DLG2: variants seen among roughly 807,000 people sequenced by gnomAD.
DLG2 encodes disks large homolog 2.
A neutral mutation model predicts 132.5 loss-of-function variants in DLG2; 45 were observed. That is an observed-to-expected ratio of 0.34 (90% confidence interval 0.27 to 0.44). DLG2 has a LOEUF of 0.44. Ranked by LOEUF, DLG2 falls within the 20% of genes least tolerant of loss-of-function variation. The pLI is 1.00. For missense variants in DLG2, 1,045 were observed against 1,196.9 expected (o/e 0.87, Z 1.87); for synonymous variants, 424 against 419.6 (o/e 1.01, Z -0.13).
chr11:83,756,001 T>C (rs1168724156), intron 18 of DLG2, among the ~76,000 whole-genome samples: 1 of 151,376 alleles, frequency 6.6e-6, no homozygotes, highest in Non-Finnish European at 1.5e-5. Context: ...TACTTTTTGC[T>C]TCAGCAAAAG....
At chr11:84,020,702 G>C (rs993140712) in intron 11 of DLG2, among the ~76,000 whole-genome samples, 1 of 152,142 alleles carries the variant, frequency 6.6e-6, no homozygotes, top group African/African-American at 2.4e-5. Flanking sequence ...TGTCTTTCAT[G>C]CCTTGTGGGC....
intron 8 of DLG2, among the ~76,000 whole-genome samples, chr11:84,226,226 T>C (rs756073829): frequency 6.6e-6 from 1 of 152,246 alleles, no homozygotes; most frequent in Non-Finnish European, 1.5e-5. Context: ...TAAATATTTT[T>C]TGTGCTATGA....
intron 6 of DLG2, among the ~76,000 whole-genome samples, chr11:84,787,165 G>A (rs1157578565): frequency 6.6e-6 from 1 of 152,130 alleles, no homozygotes. Flanking sequence ...GTAGAGCCAT[G>A]TCCTTTTTCT....
intron 9 of DLG2, among the ~76,000 whole-genome samples, chr11:84,099,485 T>G (rs541034018): frequency 6.6e-6 from 1 of 152,136 alleles, no homozygotes; most frequent in African/African-American, 2.4e-5. Flanking sequence ...TTTCTGGTAT[T>G]GTTGTTCTAA....
intron 3 of DLG2, among the ~76,000 whole-genome samples, chr11:85,523,644 G>T (rs990184163): frequency 4.6e-5 from 7 of 152,156 alleles, no homozygotes; most frequent in Non-Finnish European, 2.9e-5. Flanking sequence ...ATGTAAATTA[G>T]TAGAATCACC....
At chr11:84,792,012 G>C (rs2073919018) in intron 6 of DLG2, among the ~76,000 whole-genome samples, 1 of 152,090 alleles carries the variant, frequency 6.6e-6, no homozygotes. Flanking sequence ...TCATGTTGCA[G>C]ATCTTAGAGG....
Position 84,287,892 on chromosome 11 carries a change from A to G in DLG2, c.520-36601T>C, listed in dbSNP as rs1404613162. On this transcript the variant is annotated intron_variant, in intron 7 of 27. Transcript: ENST00000376104. ...GTGATCAGGTGAGAGCCAATAGGTGAACTTGGATTACTAGTGCATGGAAAG... is the reference window on the plus strand; with the variant it reads ...GTGATCAGGTGAGAGCCAATAGGTGGACTTGGATTACTAGTGCATGGAAAG... 2.0e-5 allele frequency among the ~76,000 whole-genome samples: 3 copies of G among 152,028 alleles called. No individual in the cohort carries two copies. In the East Asian group the frequency reaches 5.8e-4, roughly 29 times the overall value.
chr11:83,534,563 A>G (rs930555573), intron 20 of DLG2, among the ~76,000 whole-genome samples: 1 of 152,236 alleles, frequency 6.6e-6, no homozygotes, highest in African/African-American at 2.4e-5. Context: ...ATTGCAGAAT[A>G]TATTTATTTC....
At chr11:84,189,276 A>T (rs887023033) in intron 8 of DLG2, among the ~76,000 whole-genome samples, 7 of 152,220 alleles carry the variant, frequency 4.6e-5, no homozygotes, top group African/African-American at 1.7e-4. Flanking sequence ...CCACAATGAA[A>T]TACCATCTCA....
At chr11:85,079,951 C>T (rs1285707607) in intron 6 of DLG2, among the ~76,000 whole-genome samples, 1 of 152,164 alleles carries the variant, frequency 6.6e-6, no homozygotes, top group African/African-American at 2.4e-5. Context: ...TTGATATCCT[C>T]TCAGTAATTT....
At chr11:85,080,688 A>T (rs1165477213) in intron 6 of DLG2, among the ~76,000 whole-genome samples, 1 of 152,162 alleles carries the variant, frequency 6.6e-6, no homozygotes, top group Non-Finnish European at 1.5e-5. Context: ...GAGTCAAAAC[A>T]CTGTAACTTA....
rs1488602117 is a variant in DLG2, at chr11:85,376,407, G to C, written c.41-91042C>G. On this transcript the variant is annotated intron_variant, in intron 3 of 27. Coordinates refer to ENST00000376104, the MANE Select transcript of DLG2 (RefSeq NM_001142699.3). ...AACTGAGGCTGAAAGAGGCTAAGAGGACTCTCCTACTCATGGTCTTACAAC... is the reference window on the plus strand; with the variant it reads ...AACTGAGGCTGAAAGAGGCTAAGAGCACTCTCCTACTCATGGTCTTACAAC... 2.0e-5 allele frequency among the ~76,000 whole-genome samples: 3 copies of C among 152,260 alleles called. No homozygotes were observed. The East Asian group carries it at 5.8e-4, about 29-fold the overall frequency.
intron 15 of DLG2, among the ~76,000 whole-genome samples, chr11:83,910,486 A>G (rs1348523201): frequency 6.6e-6 from 1 of 152,110 alleles, no homozygotes; most frequent in East Asian, 1.9e-4. Context: ...TGTTATTTCA[A>G]TTTAATGTCC....
chr11:85,309,389 T>C (rs544941082), intron 3 of DLG2, among the ~76,000 whole-genome samples: 2 of 150,962 alleles, frequency 1.3e-5, no homozygotes, highest in Non-Finnish European at 2.9e-5. Flanking sequence ...GAATTCCAAT[T>C]TTATATATGG....
intron 4 of DLG2, among the ~76,000 whole-genome samples, chr11:85,159,656 T>C (rs1410776079): frequency 1.3e-5 from 2 of 152,218 alleles, no homozygotes; most frequent in Non-Finnish European, 2.9e-5. Flanking sequence ...AGATATGGTA[T>C]CATTGCTTGA....
chr11:83,515,800 G>T (rs1431371886), intron 21 of DLG2, among the ~76,000 whole-genome samples: 6 of 152,218 alleles, frequency 3.9e-5, no homozygotes, highest in South Asian at 4.1e-4. Flanking sequence ...TCATTCAGGA[G>T]CAGGTTGTTC....
In DLG2 at chr11:85,122,940, G is replaced by GTATATATATTATATATATATTATATA. The variant is rs1410544502; in HGVS notation, c.283-11206_283-11205insTATATAATATATATATAATATATATA. ...CACACACATGCATGTATGTGTGTCT[G>GTATATATATTATATATATATTATATA]TATATATATTATATATATATATATA... On this transcript the variant is annotated intron_variant, in intron 5 of 27. Coordinates refer to ENST00000376104, the MANE Select transcript of DLG2 (RefSeq NM_001142699.3). Among the ~76,000 whole-genome samples the GTATATATATTATATATATATTATATA allele has an allele frequency of 5.3e-3, 253 of 47,630 alleles. 6 individuals are homozygous for GTATATATATTATATATATATTATATA. The highest frequency in any genetic ancestry group is 7.5e-3 in the Non-Finnish European group (191 of 25,422). The allele number at this position is 47,630 out of a possible 152,430, so 31.2% of individuals were successfully genotyped here.
intron 4 of DLG2, among the ~76,000 whole-genome samples, chr11:85,191,152 GCGCA>G (rs376450186): frequency 1.0e-4 from 13 of 127,398 alleles, no homozygotes; most frequent in African/African-American, 3.7e-4. Context: ...ATGCGCGCGC[GCGCA>G]CGCGCGCACA....
chr11:83,548,291 G>A (rs2096289789), intron 19 of DLG2, among the ~76,000 whole-genome samples: 1 of 152,096 alleles, frequency 6.6e-6, no homozygotes, highest in African/African-American at 2.4e-5. Context: ...TCTTGAGATG[G>A]GGAGACTATC....
Sources: gnomAD v4.1 joint callset for allele counts (sites outside exome capture counted in the v4.1 genomes callset) on GRCh38, gnomAD v4.1.1 for gene constraint, MANE v1.5 for transcripts, NCBI Gene and HGNC (gene_info 2026-07-23, HGNC 2026-07-21) for gene names.